The following CAMKMT variants were observed in gnomAD, a reference collection of about 807,000 sequenced individuals.
The protein encoded by CAMKMT is calmodulin-lysine N-methyltransferase.
A neutral mutation model predicts 48.0 loss-of-function variants in CAMKMT; 53 were observed. That is an observed-to-expected ratio of 1.10 (90% CI 0.89 to 1.39). CAMKMT has a LOEUF of 1.39. Among genes scored for constraint, CAMKMT ranks in the 40% most tolerant of loss-of-function variants. CAMKMT has a pLI of 0.00. For synonymous variants in CAMKMT, 165 were observed against 152.3 expected, an observed-to-expected ratio of 1.08 and a Z score of -0.61; for missense variants, 428 against 402.7, an observed-to-expected ratio of 1.06 and a Z score of -0.54.
chr2:44,614,413 T>C (rs1671760583), intron 3 of CAMKMT, among the ~76,000 whole-genome samples: 2 of 152,200 alleles, frequency 1.3e-5, no homozygotes, highest in Non-Finnish European at 2.9e-5. Flanking sequence ...GCATTCTTCA[T>C]ATTTGTCGAA....
intron 8 of CAMKMT, among the ~76,000 whole-genome samples, chr2:44,746,613 C>G (rs910251507): frequency 2.6e-5 from 4 of 152,074 alleles, no homozygotes; most frequent in Non-Finnish European, 5.9e-5. Context: ...TCCTAAATAA[C>G]TTGTAAAATG....
At chr2:44,541,659 TGCTTGG>T (rs1667112823) in intron 3 of CAMKMT, among the ~76,000 whole-genome samples, 1 of 151,710 alleles carries the variant, frequency 6.6e-6, no homozygotes, top group African/African-American at 2.4e-5. Context: ...TAGTCCCAGC[TGCTTGG>T]GAGGCTGAGG....
chr2:44,557,534 G>C (rs185953162), intron 3 of CAMKMT, among the ~76,000 whole-genome samples: 1 of 152,090 alleles, frequency 6.6e-6, no homozygotes, highest in Admixed American at 6.5e-5. Context: ...GGAATGTCTT[G>C]AACAAGTCAA....
At chr2:44,572,367 C>T (rs573545589) in intron 3 of CAMKMT, among the ~76,000 whole-genome samples, 13 of 152,194 alleles carry the variant, frequency 8.5e-5, no homozygotes, top group African/African-American at 2.2e-4. Context: ...TCATATAAGA[C>T]GAATCATACA....
intron 3 of CAMKMT, among the ~76,000 whole-genome samples, chr2:44,537,103 G>A (rs1666817959): frequency 6.6e-6 from 1 of 152,134 alleles, no homozygotes; most frequent in Non-Finnish European, 1.5e-5. Context: ...ACTGGTCTAG[G>A]CAAAGATTTT....
chr2:44,572,416 T>G (rs564499011), intron 3 of CAMKMT, among the ~76,000 whole-genome samples: 1 of 152,344 alleles, frequency 6.6e-6, no homozygotes, highest in East Asian at 1.9e-4. Flanking sequence ...TCACTTGAGA[T>G]AATGGCATCA....
At chr2:44,510,779 T>G (rs1670502176) in intron 3 of CAMKMT, among the ~76,000 whole-genome samples, 1 of 152,090 alleles carries the variant, frequency 6.6e-6, no homozygotes, top group Admixed American at 6.6e-5. Context: ...CTGTACCCAG[T>G]ATGTAGTCTT....
At chr2:44,457,497 C>A (rs570423186) in intron 3 of CAMKMT, among the ~76,000 whole-genome samples, 2 of 151,496 alleles carry the variant, frequency 1.3e-5, no homozygotes, top group South Asian at 4.1e-4. Flanking sequence ...CCCCCGGGTT[C>A]AAGCGATTCT....
chr2:44,415,238 C>T (rs781350107), intron 3 of CAMKMT, among the ~76,000 whole-genome samples: 23 of 152,146 alleles, frequency 1.5e-4, no homozygotes, highest in Non-Finnish European at 2.9e-4. Flanking sequence ...GTATGTACAA[C>T]TGAGTTACTA....
chr2:44,713,264 A>G (rs888293247), intron 6 of CAMKMT, among the ~76,000 whole-genome samples: 2 of 152,196 alleles, frequency 1.3e-5, no homozygotes, highest in Non-Finnish European at 2.9e-5. Flanking sequence ...CTCCACTAAC[A>G]AAATAATATG....
At chr2:44,763,901 T>C (rs984398611) in intron 9 of CAMKMT, among the ~76,000 whole-genome samples, 6 of 152,196 alleles carry the variant, frequency 3.9e-5, no homozygotes, top group African/African-American at 1.4e-4. Context: ...AAAAACCGAC[T>C]CTTCAAGTGT....
intron 3 of CAMKMT, among the ~76,000 whole-genome samples, chr2:44,558,300 A>G (rs1004331246): frequency 4.6e-5 from 7 of 152,102 alleles, no homozygotes; most frequent in Non-Finnish European, 2.9e-5. Context: ...TTGGCCTCCC[A>G]AAGTTGTAAG....
intron 3 of CAMKMT, among the ~76,000 whole-genome samples, chr2:44,462,300 T>C (rs997116723): frequency 6.6e-6 from 1 of 152,172 alleles, no homozygotes; most frequent in African/African-American, 2.4e-5. Context: ...AATTCTCAGT[T>C]AACATTTTGG....
chr2:44,363,240 A>G (rs946472586), intron 1 of CAMKMT, among the ~76,000 whole-genome samples: 3 of 152,224 alleles, frequency 2.0e-5, no homozygotes, highest in Admixed American at 2.0e-4. Flanking sequence ...AAATGGTATT[A>G]CAGGATAAGA....
At chr2:44,502,036 C>T (rs1406690006) in intron 3 of CAMKMT, among the ~76,000 whole-genome samples, 1 of 152,120 alleles carries the variant, frequency 6.6e-6, no homozygotes, top group African/African-American at 2.4e-5. Flanking sequence ...GCCTGGCCAA[C>T]ATGGTGAAAC....
intron 3 of CAMKMT, among the ~76,000 whole-genome samples, chr2:44,568,782 A>G (rs997768182): frequency 1.6e-4 from 25 of 152,184 alleles, no homozygotes; most frequent in Non-Finnish European, 4.4e-5. Context: ...GCCCCTGCTT[A>G]CAGAGGGCAC....
intron 3 of CAMKMT, among the ~76,000 whole-genome samples, chr2:44,449,587 TC>T (rs2104586779): frequency 6.6e-6 from 1 of 152,292 alleles, no homozygotes; most frequent in South Asian, 2.1e-4. Context: ...AAATTATTTT[TC>T]ACATATGCTT....
At chr2:44,522,908 C>A (rs957790817) in intron 3 of CAMKMT, among the ~76,000 whole-genome samples, 1 of 152,148 alleles carries the variant, frequency 6.6e-6, no homozygotes, top group Non-Finnish European at 1.5e-5. Context: ...TTAGCTAGAT[C>A]ACAAATTTAT....
chr2:44,487,412 T>C (rs956122309), intron 3 of CAMKMT, among the ~76,000 whole-genome samples: 5 of 152,208 alleles, frequency 3.3e-5, no homozygotes, highest in Admixed American at 6.5e-5. Flanking sequence ...AGTTGAAATA[T>C]GTACTATCAT....
Sources: allele counts gnomAD v4.1 joint callset (sites outside exome capture counted in the v4.1 genomes callset), GRCh38; gene constraint gnomAD v4.1.1; transcripts MANE v1.5; gene names NCBI Gene and HGNC (gene_info 2026-07-23, HGNC 2026-07-21).